SMARCA2: variants seen among roughly 807,000 people sequenced by gnomAD.
SMARCA2 encodes SWI/SNF-related matrix-associated actin-dependent regulator of chromatin subfamily A member 2.
SMARCA2 carries 61 observed loss-of-function variants against 199.8 expected under a neutral mutation model. The ratio of observed to expected loss-of-function variants is 0.31; its 90% CI spans 0.25 to 0.38. The LOEUF (loss-of-function observed/expected upper bound fraction) is 0.38, where lower values mean the gene tolerates loss of function less well. Ranked by LOEUF, SMARCA2 falls within the 10% of genes least tolerant of loss-of-function variation. The probability of loss-of-function intolerance (pLI) is 1.00; values close to 1 mark genes in which losing one functional copy is unlikely to be tolerated. For missense variants in SMARCA2, 1,344 were observed against 2,012.2 expected, an observed-to-expected ratio of 0.67 and a Z score of 6.35; for synonymous variants, 935 against 732.0, an observed-to-expected ratio of 1.28 and a Z score of -4.48.
At chr9:2,153,819 T>C (rs1217276332) in intron 27 of SMARCA2, among the ~76,000 whole-genome samples, 1 of 152,120 alleles carries the variant, frequency 6.6e-6, no homozygotes, top group East Asian at 1.9e-4. Flanking sequence ...GCTGTGTGTG[T>C]GTGTGTGTGA....
intron 3 of SMARCA2, among the ~76,000 whole-genome samples, chr9:2,036,742 A>G (rs1819352371): frequency 6.6e-6 from 1 of 152,132 alleles, no homozygotes; most frequent in African/African-American, 2.4e-5. Context: ...TTTCTGATCA[A>G]ATTTGAGGTA....
chr9:2,024,076 T>C (rs6475412), intron 1 of SMARCA2, among the ~76,000 whole-genome samples: 17,665 of 152,194 alleles, frequency 0.12, 1,573 homozygotes, highest in African/African-American at 0.24. Flanking sequence ...AGGCTGGAGA[T>C]CCAAGATTTC....
At chr9:2,099,581 T>G (rs1336817732) in intron 21 of SMARCA2, among the ~76,000 whole-genome samples, 2 of 152,118 alleles carry the variant, frequency 1.3e-5, no homozygotes, top group Non-Finnish European at 2.9e-5. Flanking sequence ...TACCTACATA[T>G]TGACATTTTA....
intron 5 of SMARCA2, chr9:2,047,882 G>A (rs1481412999): frequency 1.3e-5 from 2 of 153,398 alleles, no homozygotes; most frequent in African/African-American, 2.4e-5. Context: ...TTTAATTCAC[G>A]TGTGTCTATG....
At chr9:2,015,631 C>G (rs530511428) in intron 1 of SMARCA2, among the ~76,000 whole-genome samples, 1 of 152,334 alleles carries the variant, frequency 6.6e-6, no homozygotes, top group Admixed American at 6.5e-5. Flanking sequence ...GTGGAATGCT[C>G]TAACGACAGC....
chr9:2,018,535 T>C (rs1244176189), intron 1 of SMARCA2, among the ~76,000 whole-genome samples: 1 of 152,256 alleles, frequency 6.6e-6, no homozygotes, highest in African/African-American at 2.4e-5. Flanking sequence ...ATACACAGTT[T>C]GTTGACTGCA....
intron 32 of SMARCA2, among the ~76,000 whole-genome samples, chr9:2,188,325 G>A (rs939644305): frequency 2.0e-5 from 3 of 151,656 alleles, no homozygotes; most frequent in African/African-American, 7.3e-5. Context: ...GATGTAAAAT[G>A]TATGTGATGT....
Position 2,111,703 on chromosome 9 carries a change from G to A in SMARCA2, c.3456+1286G>A, listed in dbSNP as rs140702653. 1.3e-3 allele frequency among the ~76,000 whole-genome samples: 192 copies of A among 152,046 alleles called. 1 individual carries two copies. Among genetic ancestry groups the A allele is most frequent in the African/African-American group, 4.4e-3 (184 of 41,488 alleles). ...TTCAGGGGTACATTAAAATTCTAAGGGAGCTTTTAAAAAATATGCATGCCT... is the reference window on the plus strand; with the variant it reads ...TTCAGGGGTACATTAAAATTCTAAGAGAGCTTTTAAAAAATATGCATGCCT... On this transcript the variant is annotated intron_variant, in intron 24 of 33. Coordinates refer to ENST00000349721, the MANE Select transcript of SMARCA2 (RefSeq NM_003070.5).
intron 27 of SMARCA2, among the ~76,000 whole-genome samples, chr9:2,130,973 G>A (rs1302905228): frequency 6.6e-6 from 1 of 152,162 alleles, no homozygotes; most frequent in Non-Finnish European, 1.5e-5. Context: ...TGATTGCAGA[G>A]CCAAAAAGCG....
At chr9:2,149,210 A>T (rs557754410) in intron 27 of SMARCA2, among the ~76,000 whole-genome samples, 6 of 151,290 alleles carry the variant, frequency 4.0e-5, no homozygotes, top group Admixed American at 6.6e-5. Flanking sequence ...AGAGAAAATG[A>T]GAGAGATGCA....
At chr9:2,025,553 TGTC>T (rs1818791005) in intron 1 of SMARCA2, among the ~76,000 whole-genome samples, 2 of 152,162 alleles carry the variant, frequency 1.3e-5, no homozygotes, top group Non-Finnish European at 2.9e-5. Context: ...TGCTTACTGC[TGTC>T]GTCACCACCC....
chr9:2,176,182 G>GTTGTTTTTTT (rs1826577714), intron 29 of SMARCA2, among the ~76,000 whole-genome samples: 1 of 104,160 alleles, frequency 9.6e-6, no homozygotes, highest in Non-Finnish European at 2.0e-5. Flanking sequence ...CGCCCGGCCT[G>GTTGTTTTTTT]TTTTTTTTTT....
At chr9:2,031,758 G>C (rs1819080637) in intron 2 of SMARCA2, among the ~76,000 whole-genome samples, 1 of 152,184 alleles carries the variant, frequency 6.6e-6, no homozygotes, top group Non-Finnish European at 1.5e-5. Context: ...TTCCCTGCGT[G>C]AGGACACGGG....
chr9:2,045,927 A>G (rs1206509694), intron 4 of SMARCA2: 1 of 152,046 alleles, frequency 6.6e-6, no homozygotes, highest in African/African-American at 2.4e-5. Flanking sequence ...CCCCCTGTCA[A>G]AATGTTTGCT....
intron 26 of SMARCA2, among the ~76,000 whole-genome samples, chr9:2,120,708 C>T (rs1044174616): frequency 2.6e-5 from 4 of 152,072 alleles, no homozygotes; most frequent in Non-Finnish European, 5.9e-5. Flanking sequence ...TTTTCTTTCT[C>T]AGGAAAATTC....
intron 15 of SMARCA2, 83 bp from the exon 16 acceptor site, chr9:2,083,264 T>A: frequency 1.1e-6 from 1 of 874,930 alleles, no homozygotes; most frequent in Admixed American, 2.4e-5. Flanking sequence ...AGGTGAGGCC[T>A]GAACATGAAT....
intron 7 of SMARCA2, chr9:2,058,048 G>C (rs1452254248): frequency 5.4e-6 from 2 of 369,064 alleles, no homozygotes; most frequent in Non-Finnish European, 1.0e-5. Context: ...ACACCCTCAA[G>C]GCTAAGGAGG....
chr9:2,052,198 G>T (rs1034340994), intron 5 of SMARCA2, among the ~76,000 whole-genome samples: 3 of 152,268 alleles, frequency 2.0e-5, no homozygotes, highest in African/African-American at 7.2e-5. Flanking sequence ...CACGGGCCAG[G>T]CATGGTGGCT....
intron 9 of SMARCA2, among the ~76,000 whole-genome samples, chr9:2,069,751 T>G (rs1821010709): frequency 1.3e-5 from 2 of 152,166 alleles, no homozygotes; most frequent in South Asian, 4.1e-4. Flanking sequence ...CATAGCTTAT[T>G]CTTTTTTTTG....
Sources: gnomAD v4.1 joint callset for allele counts (sites outside exome capture counted in the v4.1 genomes callset) on GRCh38, gnomAD v4.1.1 for gene constraint, MANE v1.5 for transcripts, NCBI Gene and HGNC (gene_info 2026-07-23, HGNC 2026-07-21) for gene names.